SLC22A15: variants seen among roughly 807,000 people sequenced by gnomAD.
SLC22A15 encodes solute carrier family 22 member 15, also known as flipt 1.
SLC22A15 carries 45 observed loss-of-function variants against 62.7 expected under a neutral mutation model. The ratio of observed to expected loss-of-function variants is 0.72; its 90% CI spans 0.56 to 0.92. SLC22A15 has a LOEUF of 0.92. Ranked by LOEUF, SLC22A15 falls within the 40% of genes least tolerant of loss-of-function variation. SLC22A15 has a pLI of 0.00. For synonymous variants in SLC22A15, 264 were observed against 267.0 expected (o/e 0.99, Z 0.11); for missense variants, 622 against 665.6 (o/e 0.93, Z 0.72).
At chr1:116,028,030 C>T (rs1288079359) in intron 5 of SLC22A15, among the ~76,000 whole-genome samples, 4 of 152,200 alleles carry the variant, frequency 2.6e-5, no homozygotes, top group Non-Finnish European at 4.4e-5. Flanking sequence ...GCCAGTATTT[C>T]CTGCCTTCAT....
At chr1:115,984,644 C>G (rs1414329448) in intron 1 of SLC22A15, among the ~76,000 whole-genome samples, 1 of 152,112 alleles carries the variant, frequency 6.6e-6, no homozygotes, top group African/African-American at 2.4e-5. Flanking sequence ...TGTAAACCAG[C>G]CTCAGGCAGA....
At position 115,994,818 on chromosome 1, in the gene SLC22A15, A is replaced by G. The variant is rs114019759; in HGVS notation, c.300+2575A>G. Among the ~76,000 whole-genome samples the G allele has an allele frequency of 3.6e-3, 541 of 152,326 alleles. 5 individuals are homozygous for G. The highest frequency in any genetic ancestry group is 0.013 in the African/African-American group (525 of 41,566). On this transcript the variant is annotated intron_variant, in intron 2 of 11. Coordinates refer to ENST00000369503, the MANE Select transcript of SLC22A15 (RefSeq NM_018420.3). ...AATTCAACATTGATACTATAGTTTTATTTAAACTATACCTAGTTGTATGCC... is the reference window on the plus strand; with the variant it reads ...AATTCAACATTGATACTATAGTTTTGTTTAAACTATACCTAGTTGTATGCC...
intron 10 of SLC22A15, 93 bp downstream of exon 10, chr1:116,064,601 T>C: frequency 1.2e-6 from 1 of 840,692 alleles, no homozygotes. Flanking sequence ...ACAGATGTCA[T>C]TTAAGATCAG....
intron 8 of SLC22A15, among the ~76,000 whole-genome samples, chr1:116,041,838 T>C (rs1458613730): frequency 2.6e-5 from 4 of 152,104 alleles, no homozygotes; most frequent in Admixed American, 6.5e-5. Context: ...GGCAGAACAA[T>C]CCTTGGATTG....
chr1:115,988,494 A>T (rs765767260), intron 1 of SLC22A15, among the ~76,000 whole-genome samples: 1 of 152,136 alleles, frequency 6.6e-6, no homozygotes. Context: ...TTCTATGACC[A>T]TATGACCCTT....
intron 4 of SLC22A15, 61 bp downstream of exon 4, chr1:116,020,946 C>T (rs1656803229): frequency 1.4e-6 from 2 of 1,456,514 alleles, no homozygotes; most frequent in Non-Finnish European, 1.9e-6. Flanking sequence ...TTTATAGGGA[C>T]CCAGTTTAAT....
intron 8 of SLC22A15, among the ~76,000 whole-genome samples, chr1:116,050,386 A>G (rs1436913814): frequency 6.6e-6 from 1 of 152,202 alleles, no homozygotes; most frequent in East Asian, 1.9e-4. Context: ...TATCAAAAAG[A>G]TAATCCACCA....
At chr1:116,042,146 G>A (rs1188753620) in intron 8 of SLC22A15, among the ~76,000 whole-genome samples, 1 of 148,860 alleles carries the variant, frequency 6.7e-6, no homozygotes, top group Non-Finnish European at 1.5e-5. Flanking sequence ...AAATCACCAG[G>A]CATGCAAATA....
chr1:115,985,594 T>A (rs1003129674), intron 1 of SLC22A15, among the ~76,000 whole-genome samples: 9 of 152,108 alleles, frequency 5.9e-5, no homozygotes, highest in South Asian at 2.1e-4. Flanking sequence ...GTTTTTTTTT[T>A]AAAATTAAAC....
intron 8 of SLC22A15, among the ~76,000 whole-genome samples, chr1:116,057,635 T>G (rs1296031222): frequency 3.4e-4 from 52 of 152,226 alleles, no homozygotes; most frequent in Non-Finnish European, 1.3e-4. Context: ...CTATTCACAA[T>G]AGCAAAGACT....
chr1:116,021,015 TTTCTGATTTGG>T, intron 4 of SLC22A15, 130 bp downstream of exon 4: 1 of 840,526 alleles, frequency 1.2e-6, no homozygotes, highest in Non-Finnish European at 1.8e-6. Flanking sequence ...TAGATTTGCT[TTTCTGATTTGG>T]TTCTGTATGA....
chr1:115,986,287 T>TA (rs1654861385), intron 1 of SLC22A15, among the ~76,000 whole-genome samples: 1 of 152,160 alleles, frequency 6.6e-6, no homozygotes, highest in South Asian at 2.1e-4. Flanking sequence ...ATATATGAGA[T>TA]AGACTTTTAT....
rs1042264836 is a variant in SLC22A15 at position 116,008,093 on chromosome 1, G to A, written c.301-11489G>A. On this transcript the variant is annotated intron_variant, in intron 2 of 11. Coordinates refer to ENST00000369503, the MANE Select transcript of SLC22A15 (RefSeq NM_018420.3). ...AGAGCCAATGGGAGTATGCCTTGGC[G>A]GATTTGAGAACAGTTAGCACAGTGA... Among the ~76,000 whole-genome samples the A allele has an allele frequency of 5.9e-5, 9 of 152,162 alleles. No homozygotes were observed. In the East Asian group the frequency reaches 9.6e-4, roughly 16 times the overall value.
intron 2 of SLC22A15, among the ~76,000 whole-genome samples, chr1:115,993,428 A>AGTGTGTGT (rs762008398): frequency 0.015 from 2,116 of 143,496 alleles, 21 homozygotes; most frequent in Middle Eastern, 0.042. Context: ...AGTGTGTGAG[A>AGTGTGTGT]GTGTGTGTGT....
chr1:116,026,419 C>T (rs776660704), intron 4 of SLC22A15, among the ~76,000 whole-genome samples: 2 of 150,092 alleles, frequency 1.3e-5, no homozygotes, highest in Non-Finnish European at 3.0e-5. Flanking sequence ...GAGCGAGATT[C>T]TGTCTCAAAA....
intron 2 of SLC22A15, among the ~76,000 whole-genome samples, chr1:115,994,050 T>C (rs751175894): frequency 3.9e-5 from 6 of 152,158 alleles, no homozygotes; most frequent in Non-Finnish European, 8.8e-5. Context: ...TTGTTCCTGT[T>C]CCAGTACTAA....
intron 2 of SLC22A15, among the ~76,000 whole-genome samples, chr1:115,994,194 C>CACCACT (rs1179042646): frequency 6.6e-6 from 1 of 152,158 alleles, no homozygotes; most frequent in African/African-American, 2.4e-5. Context: ...CCACCACCAC[C>CACCACT]ACCACTACCA....
chr1:115,992,294 T>C (rs913087253), intron 2 of SLC22A15, 51 bp downstream of exon 2: 6 of 1,379,890 alleles, frequency 4.3e-6, no homozygotes, highest in Non-Finnish European at 6.0e-6. Context: ...TTTGTCCACA[T>C]AGAGCTACTC....
At chr1:116,060,418 T>C (rs965308160) in intron 8 of SLC22A15, among the ~76,000 whole-genome samples, 1 of 152,206 alleles carries the variant, frequency 6.6e-6, no homozygotes, top group Non-Finnish European at 1.5e-5. Context: ...GACCCTATCA[T>C]GGAAAACTTC....
Sources: gnomAD v4.1 joint callset for allele counts (sites outside exome capture counted in the v4.1 genomes callset) on GRCh38, gnomAD v4.1.1 for gene constraint, MANE v1.5 for transcripts, NCBI Gene and HGNC (gene_info 2026-07-23, HGNC 2026-07-21) for gene names.